Variants in ATRN observed in about 807,000 individuals in gnomAD.
ATRN encodes attractin-2.
ATRN carries 54 observed loss-of-function variants against 178.7 expected under a neutral mutation model. The ratio of observed to expected loss-of-function variants is 0.30; its 90% CI spans 0.24 to 0.38. The LOEUF is 0.38. ATRN is among the 10% of genes least tolerant of loss of function. The pLI is 1.00. For synonymous variants in ATRN, 636 were observed against 663.0 expected (o/e 0.96, Z 0.63); for missense variants, 1,443 against 1,815.1 (o/e 0.79, Z 3.73).
intron 26 of ATRN, among the ~76,000 whole-genome samples, chr20:3,636,231 G>T (rs1464760738): frequency 6.6e-6 from 1 of 152,164 alleles, no homozygotes; most frequent in Admixed American, 6.5e-5. Context: ...CCTGACAAAG[G>T]TAGCACCAAA....
In ATRN at chr20:3,638,705, A is replaced by G; in HGVS notation, c.3943-123A>G. ...ATGTTATCTAATATCAAGTCTAAAA[A>G]GTATCATTTTGGACTTGATTTGTTT... On this transcript the variant is annotated intron_variant, in intron 26 of 28. Coordinates refer to ENST00000262919, the MANE Select transcript of ATRN (RefSeq NM_139321.3). The surrounding 1 kb of genome is among the most constrained non-coding windows in gnomAD (Gnocchi z 4.5). The G allele has an allele frequency of 2.7e-6, 2 of 748,468 alleles. No homozygotes were observed. The highest frequency in any genetic ancestry group is 1.9e-5 in the South Asian group (1 of 53,312). 46.4% of individuals were successfully genotyped at this position (748,468 alleles called of 1,614,324 possible). A position where few individuals can be genotyped will look rare whatever the true frequency, so the allele number is the denominator to read the frequency against.
intron 1 of ATRN, among the ~76,000 whole-genome samples, chr20:3,513,961 T>C (rs537806787): frequency 1.3e-5 from 2 of 152,316 alleles, no homozygotes; most frequent in East Asian, 3.9e-4. Context: ...GAGAGTTTGC[T>C]GAAGTTGCTT....
intron 2 of ATRN, among the ~76,000 whole-genome samples, chr20:3,537,676 G>T (rs1195818177): frequency 8.0e-6 from 1 of 124,716 alleles, no homozygotes; most frequent in Admixed American, 8.4e-5. Context: ...CCCACCCCAC[G>T]ACAAACCCCG....
chr20:3,589,099 C>T (rs1255822713), intron 18 of ATRN, among the ~76,000 whole-genome samples: 3 of 149,054 alleles, frequency 2.0e-5, no homozygotes, highest in African/African-American at 7.4e-5. Context: ...TCTCCTGCCT[C>T]AGCCCCCCAA....
At chr20:3,501,667 A>G (rs1448093485) in intron 1 of ATRN, among the ~76,000 whole-genome samples, 1 of 152,220 alleles carries the variant, frequency 6.6e-6, no homozygotes, top group Non-Finnish European at 1.5e-5. Context: ...GGGACTAGAG[A>G]GACCAAAATT....
Position 3,563,244 on chromosome 20 carries a change from T to G in ATRN, c.1667T>G (p.Leu556Trp). The G allele has an allele frequency of 6.2e-7, 1 of 1,613,748 alleles. No individual in the cohort carries two copies. Among genetic ancestry groups the G allele is most frequent in the Non-Finnish European group, 8.5e-7 (1 of 1,179,760 alleles). Residue 556 changes from leucine (L) to tryptophan (W), a missense_variant, in exon 10 of 29, where the codon TTG becomes TGG. By Grantham distance (61) the Leu-to-Trp change is moderately conservative. Transcript: ENST00000262919. ...ILKDSRFFRY[L>W]HTAVIVSGTM... The stretch of plus-strand genomic sequence containing the variant: ...AAGGACAGCCGATTTTTCCGTTACT[T>G]GCACACAGCTGTGATAGTGAGTGGA...
At chr20:3,524,211 G>A (rs151541) in intron 1 of ATRN, among the ~76,000 whole-genome samples, 39,917 of 147,032 alleles carry the variant, frequency 0.27, 5,869 homozygotes, top group African/African-American at 0.34. Context: ...GGATGGAGGA[G>A]TATTTACCAA....
chr20:3,488,942 T>G (rs1403045905), intron 1 of ATRN, among the ~76,000 whole-genome samples: 1 of 151,888 alleles, frequency 6.6e-6, no homozygotes, highest in Non-Finnish European at 1.5e-5. Context: ...TTCCAAGATA[T>G]TTGATGTTTG....
At chr20:3,485,313 C>A (rs928678961) in intron 1 of ATRN, among the ~76,000 whole-genome samples, 23 of 152,044 alleles carry the variant, frequency 1.5e-4, no homozygotes, top group Admixed American at 5.2e-4. Flanking sequence ...CACCTTCTTT[C>A]TTTTTCTTGT....
chr20:3,637,434 A>G (rs974201460), intron 26 of ATRN, among the ~76,000 whole-genome samples: 1 of 152,216 alleles, frequency 6.6e-6, no homozygotes, highest in Non-Finnish European at 1.5e-5. Flanking sequence ...TTAGTCGAGT[A>G]AATGGACCTA....
chr20:3,602,758 G>A (rs915635106), intron 23 of ATRN, among the ~76,000 whole-genome samples: 1 of 151,892 alleles, frequency 6.6e-6, no homozygotes, highest in Non-Finnish European at 1.5e-5. Flanking sequence ...GAGGTCAGGA[G>A]TTCAAGACCA....
intron 18 of ATRN, among the ~76,000 whole-genome samples, chr20:3,588,110 A>C (rs2086383896): frequency 6.6e-6 from 1 of 152,168 alleles, no homozygotes. Flanking sequence ...TGCCTCCCTA[A>C]GTTCTGGGAT....
At chr20:3,482,489 A>G (rs2084635844) in intron 1 of ATRN, among the ~76,000 whole-genome samples, 1 of 152,230 alleles carries the variant, frequency 6.6e-6, no homozygotes. Flanking sequence ...TTTCTCTGCA[A>G]ATAACACATT....
Position 3,596,394 on chromosome 20 carries a change from G to A in ATRN, c.3434G>A (p.Arg1145Gln). 1 of 1,613,550 alleles carries A rather than the reference G, an allele frequency of 6.2e-7. No homozygotes were observed. Residue 1145 changes from arginine (R) to glutamine (Q), a missense_variant, in exon 21 of 29, where the codon CGA (arginine) becomes CAA (glutamine). Physicochemically the swap from Arg to Gln is conservative, Grantham distance 43. This residue lies in a region of ATRN where 289 missense variants were observed against 440.8 expected (regional missense o/e 0.66). Transcript: ENST00000262919. ...DECQLCEVEN[R>Q]YQGNPLRGTC... is the part of the protein sequence containing the mutation. Reference sequence around the variant, plus strand: ...CCCCCCAGATGTGAGGTAGAAAATCGATACCAAGGAAACCCTCTCAGAGGA... The same window carrying A: ...CCCCCCAGATGTGAGGTAGAAAATCAATACCAAGGAAACCCTCTCAGAGGA...
intron 22 of ATRN, among the ~76,000 whole-genome samples, chr20:3,598,352 A>G (rs975415422): frequency 2.0e-5 from 3 of 152,188 alleles, no homozygotes; most frequent in Non-Finnish European, 4.4e-5. Context: ...AGAGGCTTAA[A>G]GACACTGCTG....
At chr20:3,478,203 C>T (rs1304282237) in intron 1 of ATRN, among the ~76,000 whole-genome samples, 3 of 152,188 alleles carry the variant, frequency 2.0e-5, no homozygotes, top group Non-Finnish European at 2.9e-5. Flanking sequence ...GTCTGCTTCA[C>T]ACTTTGTCAT....
intron 1 of ATRN, among the ~76,000 whole-genome samples, chr20:3,487,380 G>A (rs529622406): frequency 1.1e-3 from 170 of 152,114 alleles, no homozygotes; most frequent in Non-Finnish European, 1.9e-3. Flanking sequence ...TTACAGATGC[G>A]TGCCACCACA....
chr20:3,615,915 G>A, intron 24 of ATRN: 1 of 439,090 alleles, frequency 2.3e-6, no homozygotes, highest in Non-Finnish European at 4.6e-6. Context: ...AAGGGGAAGG[G>A]ATAGCATTAG....
chr20:3,573,031 G>A, intron 12 of ATRN, 80 bp downstream of exon 12: 3 of 1,263,774 alleles, frequency 2.4e-6, no homozygotes, highest in Non-Finnish European at 3.3e-6. Flanking sequence ...CTTAGCATAT[G>A]TATACTTTTT....
Sources: allele counts gnomAD v4.1 joint callset (sites outside exome capture counted in the v4.1 genomes callset), GRCh38; gene constraint gnomAD v4.1.1; regional missense constraint gnomAD v4.1.1; non-coding constraint Gnocchi (gnomAD v3.1); transcripts MANE v1.5; gene names NCBI Gene and HGNC (gene_info 2026-07-23, HGNC 2026-07-21).